The following LACTBL1 variants were observed in gnomAD, a reference collection of about 807,000 sequenced individuals.
The protein encoded by LACTBL1 is beta-lactamase-like protein 1.
Under a neutral mutation model 39.6 loss-of-function variants are expected in LACTBL1, and 29 were observed. That is an observed-to-expected ratio of 0.73 (90% CI 0.55 to 1.00). LACTBL1 has a LOEUF of 1.00. LACTBL1 is among the 50% of genes least tolerant of loss of function. The pLI, the probability that LACTBL1 is intolerant of heterozygous loss-of-function variation, is 0.00. For missense variants in LACTBL1, 711 were observed against 748.5 expected (o/e 0.95, Z 0.59); for synonymous variants, 361 against 360.7 (o/e 1.00, Z -0.01).
intron 2 of LACTBL1, among the ~76,000 whole-genome samples, chr1:22,961,392 C>G (rs1053813943): frequency 2.6e-5 from 4 of 152,150 alleles, no homozygotes; most frequent in Non-Finnish European, 4.4e-5. Flanking sequence ...AGACCAGAGT[C>G]TCGCTCTGTC....
At chr1:22,964,317 C>T (rs1414736491) in intron 1 of LACTBL1, among the ~76,000 whole-genome samples, 4 of 152,158 alleles carry the variant, frequency 2.6e-5, no homozygotes, top group Non-Finnish European at 5.9e-5. Context: ...AAGAATGAGG[C>T]GGAACAAATT....
intron 2 of LACTBL1, among the ~76,000 whole-genome samples, chr1:22,961,791 G>A (rs1277863266): frequency 6.6e-6 from 1 of 152,026 alleles, no homozygotes; most frequent in Non-Finnish European, 1.5e-5. Context: ...TTGTCACCCT[G>A]GCTGGAGTGC....
chr1:22,955,010 C>A (rs1640746727), intron 5 of LACTBL1, among the ~76,000 whole-genome samples: 1 of 152,260 alleles, frequency 6.6e-6, no homozygotes, highest in Non-Finnish European at 1.5e-5. Context: ...CTCACGGTGT[C>A]TCCCTCACAA....
chr1:22,966,291 T>G (rs1275511358), upstream of LACTBL1, among the ~76,000 whole-genome samples: 5 of 152,226 alleles, frequency 3.3e-5, no homozygotes, highest in African/African-American at 9.6e-5. Context: ...AGAAAGGGAC[T>G]CTTTCCTGCC....
upstream of LACTBL1, among the ~76,000 whole-genome samples, chr1:22,965,582 C>T (rs1404449302): frequency 6.6e-6 from 1 of 152,136 alleles, no homozygotes; most frequent in African/African-American, 2.4e-5. Flanking sequence ...CAATGCCCTT[C>T]CCAGTGTGAC....
At chr1:22,965,951 A>G (rs1640872412), upstream of LACTBL1, among the ~76,000 whole-genome samples, 1 of 152,192 alleles carries the variant, frequency 6.6e-6, no homozygotes, top group Admixed American at 6.5e-5. Flanking sequence ...GTAGCAAGGA[A>G]TGAAGAGTCA....
chr1:22,965,066 A>C (rs1188810390), intron 1 of LACTBL1, among the ~76,000 whole-genome samples: 1 of 152,174 alleles, frequency 6.6e-6, no homozygotes, highest in Non-Finnish European at 1.5e-5. Context: ...CCCCAGTGGC[A>C]TCAGGATCCT....
upstream of LACTBL1, among the ~76,000 whole-genome samples, chr1:22,969,695 G>A (rs1032273554): frequency 9.2e-5 from 14 of 151,830 alleles, no homozygotes; most frequent in Non-Finnish European, 7.4e-5. Context: ...TGGGGCTGTG[G>A]TTTCCTTTTA....
At position 22,960,764 on chromosome 1, in the gene LACTBL1, G is replaced by C. The variant is rs185474407; in HGVS notation, c.160-665C>G. ...CAGTGCCTGTAGGCCCTCTTTGCAC[G>C]TTTGTTTGGTTATTTATTTATTTTA... On this transcript the variant is annotated intron_variant, in intron 2 of 5. Coordinates refer to ENST00000426928, the Ensembl canonical transcript of LACTBL1. Among the ~76,000 whole-genome samples the C allele has an allele frequency of 3.5e-3, 532 of 151,750 alleles. 4 individuals are homozygous for C. Among genetic ancestry groups the C allele is most frequent in the African/African-American group, 0.012 (489 of 41,346 alleles).
At chr1:22,960,717 G>C (rs889477626) in intron 2 of LACTBL1, among the ~76,000 whole-genome samples, 3 of 151,090 alleles carry the variant, frequency 2.0e-5, no homozygotes, top group African/African-American at 7.3e-5. Flanking sequence ...AACCCCTAGT[G>C]TTGGGGAATT....
exon 6 of LACTBL1, chr1:22,954,010 G>A (rs1640738614): frequency 1.3e-6 from 2 of 1,537,790 alleles, no homozygotes; most frequent in Non-Finnish European, 1.8e-6. Flanking sequence ...GAAGGCCAGC[G>A]TGCTGTAATG....
chr1:22,957,883 C>T (rs1160832989), intron 4 of LACTBL1, among the ~76,000 whole-genome samples: 1 of 151,864 alleles, frequency 6.6e-6, no homozygotes, highest in African/African-American at 2.4e-5. Flanking sequence ...AATTCCTGAG[C>T]TCAGGTGGTC....
At chr1:22,955,395 C>A (rs533464824) in exon 5 of LACTBL1, 1 of 1,550,344 alleles carries the variant, frequency 6.5e-7, no homozygotes, top group Non-Finnish European at 8.7e-7. Context: ...CCTTCCACAG[C>A]AGTGAAGTGG....
rs753628430 is a variant in LACTBL1 at position 22,953,867 on chromosome 1, G to GGC, written c.815_816dup (p.Leu273AlafsTer167). The GGC allele has an allele frequency of 6.9e-4, 1,073 of 1,548,938 alleles. No homozygotes were observed. In the Middle Eastern group the frequency reaches 0.011, roughly 16 times the overall value. ...CCGCTGCCGTAGAAGCCCGCGGCCAGGCGCGCGCGCACGTCGGGCGTGAGG... is the reference window on the plus strand; with the variant it reads ...CCGCTGCCGTAGAAGCCCGCGGCCAGGCGCGCGCGCGCACGTCGGGCGTGAGG... On this transcript the variant is annotated frameshift_variant, in exon 6 of 6. Transcript: ENST00000426928. LOFTEE classifies it high-confidence loss of function.
intron 1 of LACTBL1, among the ~76,000 whole-genome samples, chr1:22,964,389 C>A (rs1027032584): frequency 1.3e-5 from 2 of 152,172 alleles, no homozygotes; most frequent in African/African-American, 4.8e-5. Flanking sequence ...ACCTTGTGGA[C>A]AGGTCTGGGA....
upstream of LACTBL1, among the ~76,000 whole-genome samples, chr1:22,969,569 TC>T (rs1640916900): frequency 6.6e-6 from 1 of 152,158 alleles, no homozygotes; most frequent in South Asian, 2.1e-4. Context: ...CTTTCTATGA[TC>T]CGACTCCAGC....
At chr1:22,968,140 C>G (rs982665936), upstream of LACTBL1, among the ~76,000 whole-genome samples, 1 of 152,008 alleles carries the variant, frequency 6.6e-6, no homozygotes, top group Non-Finnish European at 1.5e-5. Context: ...CTGTATAATC[C>G]TCCTGCAACT....
exon 6 of LACTBL1, chr1:22,953,894 C>G: frequency 6.5e-7 from 1 of 1,550,156 alleles, no homozygotes; most frequent in Middle Eastern, 1.7e-4. Context: ...GGCGTGAGGT[C>G]AAAGCCCGTG....
exon 2 of LACTBL1, chr1:22,963,146 C>A (rs1458801052): frequency 1.5e-6 from 2 of 1,291,964 alleles, no homozygotes; most frequent in Non-Finnish European, 9.9e-7. Flanking sequence ...GTGGGTGAGC[C>A]AGGGGCACGG....
Sources: allele counts gnomAD v4.1 joint callset (sites outside exome capture counted in the v4.1 genomes callset), GRCh38; gene constraint gnomAD v4.1.1; transcripts MANE v1.5; gene names NCBI Gene and HGNC (gene_info 2026-07-23, HGNC 2026-07-21).